Variants in TNKS observed in about 807,000 individuals in gnomAD.
TNKS encodes poly [ADP-ribose] polymerase tankyrase-1.
In TNKS, 72 loss-of-function variants were observed where a neutral mutation model predicts 135.8. The observed-to-expected ratio is 0.53, with a 90% CI of 0.44 to 0.64. The LOEUF (loss-of-function observed/expected upper bound fraction) is 0.64, where lower values mean the gene tolerates loss of function less well. Ranked by LOEUF, TNKS falls within the 30% of genes least tolerant of loss-of-function variation. The probability of loss-of-function intolerance (pLI) is 0.00; values close to 1 mark genes in which losing one functional copy is unlikely to be tolerated. For synonymous variants in TNKS, 849 were observed against 649.3 expected, an observed-to-expected ratio of 1.31 and a Z score of -4.68; for missense variants, 1,769 against 1,674.0, an observed-to-expected ratio of 1.06 and a Z score of -0.99.
chr8:9,775,846 T>G (rs541902312), intron 26 of TNKS, among the ~76,000 whole-genome samples: 54 of 152,226 alleles, frequency 3.5e-4, no homozygotes, highest in African/African-American at 1.3e-3. Flanking sequence ...AACTACTGAA[T>G]CTAGTTTCAT....
At chr8:9,635,062 C>T (rs932387484) in intron 3 of TNKS, among the ~76,000 whole-genome samples, 1 of 151,506 alleles carries the variant, frequency 6.6e-6, no homozygotes, top group Admixed American at 6.6e-5. Flanking sequence ...CGCGGCCACT[C>T]GGGAGGCTGA....
chr8:9,649,878 C>CTTTTTTTTTTTTTTTTTTTTTTT (rs71201959), intron 3 of TNKS, among the ~76,000 whole-genome samples: 6 of 83,374 alleles, frequency 7.2e-5, no homozygotes, highest in African/African-American at 3.2e-4. Flanking sequence ...CTTTTCTTTT[C>CTTTTTTTTTTTTTTTTTTTTTTT]TTTTTTTTTT....
At chr8:9,654,966 G>T (rs1329792574) in intron 3 of TNKS, among the ~76,000 whole-genome samples, 4 of 152,216 alleles carry the variant, frequency 2.6e-5, no homozygotes, top group Non-Finnish European at 5.9e-5. Context: ...CACCTGGGAA[G>T]CGCAAGGGGT....
intron 5 of TNKS, among the ~76,000 whole-genome samples, chr8:9,687,975 A>G (rs561795088): frequency 6.6e-6 from 1 of 152,236 alleles, no homozygotes; most frequent in African/African-American, 2.4e-5. Flanking sequence ...CAGTAGCTGG[A>G]AAAACACCCA....
chr8:9,572,224 G>A (rs1411671445), intron 1 of TNKS, among the ~76,000 whole-genome samples: 1 of 152,154 alleles, frequency 6.6e-6, no homozygotes, highest in African/African-American at 2.4e-5. Flanking sequence ...TGGAAATAAA[G>A]TTAGCTATAT....
chr8:9,594,119 T>G (rs1798686494), intron 2 of TNKS, among the ~76,000 whole-genome samples: 1 of 152,134 alleles, frequency 6.6e-6, no homozygotes, highest in South Asian at 2.1e-4. Flanking sequence ...ACTCCTGACC[T>G]CAGGCGGTCC....
At position 9,706,228 on chromosome 8, in the gene TNKS, ATGAAGTCACAGAAC is replaced by A; in HGVS notation, c.1247_1260del (p.Glu416AlafsTer9). On this transcript the variant is annotated frameshift_variant, in exon 7 of 27. Coordinates refer to ENST00000310430, the MANE Select transcript of TNKS (RefSeq NM_003747.3). LOFTEE classifies it high-confidence loss of function. Reference sequence around the variant, plus strand: ...CATAATGCATGTTCATATGGACATTATGAAGTCACAGAACTGCTACTAAAGGTAAGAGAAATTCA... The same window carrying A: ...CATAATGCATGTTCATATGGACATTATGCTACTAAAGGTAAGAGAAATTCA... The A allele has an allele frequency of 1.3e-6, 2 of 1,577,076 alleles. No individual in the cohort carries two copies. The highest frequency in any genetic ancestry group is 8.6e-7 in the Non-Finnish European group (1 of 1,165,338).
intron 2 of TNKS, among the ~76,000 whole-genome samples, chr8:9,588,571 C>T (rs559581605): frequency 3.9e-5 from 6 of 152,276 alleles, no homozygotes; most frequent in Middle Eastern, 3.4e-3. Flanking sequence ...CTGCCGCGCC[C>T]GGCCCCAAAT....
chr8:9,708,358 G>C lies in TNKS; in HGVS notation c.1457-13G>C, dbSNP rs749171544. ...TACATCTTTTTTTATGTCAACCATT[G>C]TTTCATTGACAGATGAATTTAAAGG... On this transcript the variant is annotated splice_polypyrimidine_tract_variant and intron_variant, in intron 8 of 26. Transcript: ENST00000310430. 6.5e-7 allele frequency: 1 copy of C among 1,547,414 alleles called. No homozygotes were observed. Among genetic ancestry groups the C allele is most frequent in the Non-Finnish European group, 8.7e-7 (1 of 1,145,918 alleles).
At chr8:9,690,850 A>G (rs1169916837) in intron 5 of TNKS, among the ~76,000 whole-genome samples, 2 of 152,194 alleles carry the variant, frequency 1.3e-5, no homozygotes, top group African/African-American at 2.4e-5. Context: ...TTCTGAGGCT[A>G]TGAAATATCA....
chr8:9,634,999 A>G (rs1468304174), intron 3 of TNKS, among the ~76,000 whole-genome samples: 1 of 151,258 alleles, frequency 6.6e-6, no homozygotes, highest in Non-Finnish European at 1.5e-5. Context: ...CCCCGTCTCT[A>G]CTAAAAATAC....
rs559131875 is a variant in TNKS, at chr8:9,689,304, T to G, written c.1107+8504T>G. On this transcript the variant is annotated intron_variant, in intron 5 of 26. Coordinates refer to ENST00000310430, the MANE Select transcript of TNKS (RefSeq NM_003747.3). The stretch of plus-strand genomic sequence containing the variant: ...AAAAATCTTCATATTATTCTGCCTT[T>G]TAAAAGAATGTTTTCAGTGACTAAT... Among the ~76,000 whole-genome samples the G allele has an allele frequency of 4.6e-4, 70 of 152,322 alleles. 1 individual carries two copies. Among genetic ancestry groups the G allele is most frequent in the African/African-American group, 1.5e-3 (64 of 41,570 alleles).
At chr8:9,678,315 G>A (rs1382697406) in intron 3 of TNKS, among the ~76,000 whole-genome samples, 2 of 152,128 alleles carry the variant, frequency 1.3e-5, no homozygotes, top group Non-Finnish European at 2.9e-5. Flanking sequence ...CTTCCATATT[G>A]CTACCTAAAA....
intron 3 of TNKS, among the ~76,000 whole-genome samples, chr8:9,678,077 T>C (rs1802621029): frequency 1.3e-5 from 2 of 152,234 alleles, no homozygotes; most frequent in Admixed American, 1.3e-4. Flanking sequence ...ATTTATTTAT[T>C]TGTCTGTCTC....
chr8:9,755,367 A>G (rs1806782075), intron 20 of TNKS, among the ~76,000 whole-genome samples: 1 of 152,052 alleles, frequency 6.6e-6, no homozygotes, highest in South Asian at 2.1e-4. Flanking sequence ...AGCCAGAATA[A>G]TTTCTATAGC....
At chr8:9,602,673 G>A (rs1799062347) in intron 2 of TNKS, among the ~76,000 whole-genome samples, 1 of 152,168 alleles carries the variant, frequency 6.6e-6, no homozygotes, top group Non-Finnish European at 1.5e-5. Flanking sequence ...ATATTTTAGA[G>A]TAGCACTGTT....
chr8:9,699,670 T>C (rs1803702825), intron 5 of TNKS, among the ~76,000 whole-genome samples: 2 of 152,192 alleles, frequency 1.3e-5, no homozygotes, highest in Non-Finnish European at 2.9e-5. Context: ...ATAGCTCAGC[T>C]ACTCCTACTT....
chr8:9,574,017 A>G (rs1797853960), intron 1 of TNKS, among the ~76,000 whole-genome samples: 1 of 152,208 alleles, frequency 6.6e-6, no homozygotes, highest in South Asian at 2.1e-4. Context: ...TTTGATATTG[A>G]AATATTTTTG....
At chr8:9,562,648 A>G (rs1310667429) in intron 1 of TNKS, among the ~76,000 whole-genome samples, 1 of 152,142 alleles carries the variant, frequency 6.6e-6, no homozygotes, top group Non-Finnish European at 1.5e-5. Flanking sequence ...TCATTAACTA[A>G]TATTGATACT....
Sources: gnomAD v4.1 joint callset for allele counts (sites outside exome capture counted in the v4.1 genomes callset) on GRCh38, gnomAD v4.1.1 for gene constraint, MANE v1.5 for transcripts, NCBI Gene and HGNC (gene_info 2026-07-23, HGNC 2026-07-21) for gene names.